Variants in XPNPEP3 observed in about 807,000 individuals in gnomAD.
XPNPEP3 encodes xaa-Pro aminopeptidase 3.
In XPNPEP3, 41 loss-of-function variants were observed where a neutral mutation model predicts 60.0. That is an observed-to-expected ratio of 0.68 (90% CI 0.53 to 0.89). The LOEUF is 0.89. XPNPEP3 is among the 40% of genes least tolerant of loss of function. The probability of loss-of-function intolerance (pLI) is 0.00; values close to 1 mark genes in which losing one functional copy is unlikely to be tolerated. For synonymous variants in XPNPEP3, 212 were observed against 223.2 expected (o/e 0.95, Z 0.45); for missense variants, 598 against 638.9 (o/e 0.94, Z 0.69).
chr22:40,866,673 G>T (rs2057980146), intron 1 of XPNPEP3, among the ~76,000 whole-genome samples: 1 of 152,102 alleles, frequency 6.6e-6, no homozygotes, highest in South Asian at 2.1e-4. Flanking sequence ...GGATATTTTT[G>T]AAATAGGACT....
chr22:40,861,744 C>T lies in XPNPEP3; in HGVS notation c.64+4499C>T, dbSNP rs1351458002. ...CTTATGGAATGTGAAGCCGTACTCA[C>T]ATTCATCATCAAAATGACTTCCACC... On this transcript the variant is annotated intron_variant, in intron 1 of 9. Transcript: ENST00000357137. 7 of 1,613,512 alleles carry T rather than the reference C, an allele frequency of 4.3e-6. No individual in the cohort carries two copies. The South Asian group carries it at 4.4e-5, about 10-fold the overall frequency.
intron 1 of XPNPEP3, chr22:40,862,285 C>T: frequency 9.1e-7 from 1 of 1,094,658 alleles, no homozygotes; most frequent in South Asian, 3.8e-5. Flanking sequence ...CCTGAATCCT[C>T]TGGACTGTTT....
rs559446120 is a variant in XPNPEP3, at chr22:40,929,381, C to T, written c.*2946C>T. ...TATTTTTTTGTATTTTAAATAGAGA[C>T]GAGGTTTCACTGTGTTGGCCAGGCT... On this transcript the variant is annotated 3_prime_UTR_variant, in exon 10 of 10. Coordinates refer to ENST00000357137, the MANE Select transcript of XPNPEP3 (RefSeq NM_022098.4). 1 of 151,828 alleles carries T rather than the reference C, an allele frequency of 6.6e-6. No homozygotes were observed. Among genetic ancestry groups the T allele is most frequent in the African/African-American group, 2.4e-5 (1 of 41,318 alleles). 9.4% of individuals were successfully genotyped at this position (151,828 alleles called of 1,614,324 possible). A position where few individuals can be genotyped will look rare whatever the true frequency, so the allele number is the denominator to read the frequency against.
intron 7 of XPNPEP3, among the ~76,000 whole-genome samples, chr22:40,920,412 G>A (rs1054383969): frequency 2.0e-5 from 3 of 152,082 alleles, no homozygotes; most frequent in African/African-American, 7.2e-5. Flanking sequence ...GCTTTCAGGG[G>A]AGATGGAAAT....
chr22:40,860,670 T>TTA, intron 1 of XPNPEP3: 1 of 1,195,236 alleles, frequency 8.4e-7, no homozygotes, highest in Non-Finnish European at 1.2e-6. Flanking sequence ...TTTTTTTTTT[T>TTA]AAGACAGGGT....
In XPNPEP3 at chr22:40,857,170, A is replaced by G; in HGVS notation, c.-12A>G. 1 of 1,614,030 alleles carries G rather than the reference A, an allele frequency of 6.2e-7. No homozygotes were observed. The highest frequency in any genetic ancestry group is 1.7e-5 in the Admixed American group (1 of 60,012). ...ACCCTCTTTCTCTTCCCGACGCGTG[A>G]GTTAGGCCGTAATGCCTTGGCTGCT... On this transcript the variant is annotated 5_prime_UTR_variant, in exon 1 of 10. Coordinates refer to ENST00000357137, the MANE Select transcript of XPNPEP3 (RefSeq NM_022098.4).
chr22:40,857,221 G>C lies in XPNPEP3; in HGVS notation c.40G>C (p.Val14Leu). ...CTCAGCCCCCAAGCTGGTTCCCGCT[G>C]TAGCAAACGTCCGCGGCCTCTCAGG... is the stretch of plus-strand genomic sequence containing the variant. ...LLSAPKLVPA[V>L]ANVRGLSGCM... is the part of the protein sequence containing the mutation. The change falls in exon 1 of 10, where the codon GTA becomes CTA. Residue 14 changes from valine (V) to leucine (L), a missense_variant. Transcript: ENST00000357137. The C allele has an allele frequency of 5.6e-6, 9 of 1,614,216 alleles. No homozygotes were observed. The highest frequency in any genetic ancestry group is 1.3e-5 in the African/African-American group (1 of 75,062).
chr22:40,862,458 A>G, intron 1 of XPNPEP3: 1 of 986,708 alleles, frequency 1.0e-6, no homozygotes, highest in South Asian at 4.7e-5. Context: ...TGAAGTACTG[A>G]CTTACGGGTG....
intron 4 of XPNPEP3, among the ~76,000 whole-genome samples, chr22:40,888,020 ATTG>A (rs1414797784): frequency 6.6e-6 from 1 of 152,200 alleles, no homozygotes; most frequent in Admixed American, 6.5e-5. Context: ...GTACATTCAC[ATTG>A]TTGTGCCCAC....
intron 7 of XPNPEP3, among the ~76,000 whole-genome samples, chr22:40,915,955 G>A (rs1258368420): frequency 1.3e-5 from 2 of 152,138 alleles, no homozygotes; most frequent in Admixed American, 6.6e-5. Flanking sequence ...CTAGACATGA[G>A]AAGAAACTGG....
chr22:40,862,432 C>G (rs2057955921), intron 1 of XPNPEP3: 1 of 987,674 alleles, frequency 1.0e-6, no homozygotes, highest in South Asian at 4.7e-5. Flanking sequence ...CTCTTCTATG[C>G]TTTGGTTTAG....
chr22:40,860,829 T>C (rs2057939515), intron 1 of XPNPEP3: 1 of 640,608 alleles, frequency 1.6e-6, no homozygotes, highest in South Asian at 2.4e-5. Context: ...TTTTAAATTT[T>C]TTGTAGAGAA....
chr22:40,860,579 G>GA, intron 1 of XPNPEP3: 1 of 1,155,390 alleles, frequency 8.7e-7, no homozygotes, highest in South Asian at 2.1e-5. Flanking sequence ...GTTTTAATTA[G>GA]AAAAAAGAAA....
chr22:40,924,385 T>A lies in XPNPEP3; in HGVS notation c.1260T>A (p.His420Gln). 1 of 1,614,170 alleles carries A rather than the reference T, an allele frequency of 6.2e-7. No individual in the cohort carries two copies. The highest frequency in any genetic ancestry group is 8.5e-7 in the Non-Finnish European group (1 of 1,180,034). ...AFKAARKYCPHHVGHYLGMDV... is the reference protein window; with the variant it reads ...AFKAARKYCPQHVGHYLGMDV... ...AGGCTGCTCGAAAATACTGTCCTCA[T>A]CATGTTGGCCACTACCTCGGGATGG... is the stretch of plus-strand genomic sequence containing the variant. The change falls in exon 9 of 10, where the codon CAT becomes CAA. Residue 420 changes from histidine (H) to glutamine (Q), a missense_variant. Transcript: ENST00000357137.
chr22:40,862,017 G>T (rs2057952952), intron 1 of XPNPEP3: 1 of 1,559,088 alleles, frequency 6.4e-7, no homozygotes, highest in East Asian at 2.2e-5. Context: ...AGTTGGAAGT[G>T]GGTGTGCTGG....
At chr22:40,867,055 C>G (rs1449541039) in intron 1 of XPNPEP3, among the ~76,000 whole-genome samples, 1 of 152,218 alleles carries the variant, frequency 6.6e-6, no homozygotes, top group African/African-American at 2.4e-5. Context: ...CAACAGCAGC[C>G]TACTCCACCA....
At position 40,928,381 on chromosome 22, in the gene XPNPEP3, T is replaced by C; in HGVS notation, c.*1946T>C. The C allele has an allele frequency of 6.6e-6, 1 of 152,138 alleles. No homozygotes were observed. The highest frequency in any genetic ancestry group is 3.2e-3 in the Middle Eastern group (1 of 316). 9.4% of individuals were successfully genotyped at this position (152,138 alleles called of 1,614,324 possible). A position where few individuals can be genotyped will look rare whatever the true frequency, so the allele number is the denominator to read the frequency against. On this transcript the variant is annotated 3_prime_UTR_variant, in exon 10 of 10. Transcript: ENST00000357137. Reference sequence around the variant, plus strand: ...GCTGCCATGCCCAGCTAATTTTTTGTATTTTAGTAGAGACAGGGTTTCACC... The same window carrying C: ...GCTGCCATGCCCAGCTAATTTTTTGCATTTTAGTAGAGACAGGGTTTCACC...
chr22:40,899,817 C>CAAAA (rs1336628860), intron 4 of XPNPEP3, among the ~76,000 whole-genome samples: 1 of 54,218 alleles, frequency 1.8e-5, no homozygotes, highest in Non-Finnish European at 3.9e-5. Flanking sequence ...GACTCTATCT[C>CAAAA]AAAAAAAAAA....
chr22:40,891,425 C>T (rs930568973), intron 4 of XPNPEP3, among the ~76,000 whole-genome samples: 47 of 151,996 alleles, frequency 3.1e-4, no homozygotes, highest in African/African-American at 9.9e-4. Flanking sequence ...GAAGCCGAGG[C>T]GGGCGGATCA....
Sources: allele counts gnomAD v4.1 joint callset (sites outside exome capture counted in the v4.1 genomes callset), GRCh38; gene constraint gnomAD v4.1.1; transcripts MANE v1.5; gene names NCBI Gene and HGNC (gene_info 2026-07-23, HGNC 2026-07-21).